Variants in PDE11A observed in about 807,000 individuals in gnomAD.
The protein encoded by PDE11A is dual 3',5'-cyclic-AMP and -GMP phosphodiesterase 11A.
In PDE11A, 100 loss-of-function variants were observed where a neutral mutation model predicts 100.5. The ratio of observed to expected loss-of-function variants is 1.00; its 90% CI spans 0.85 to 1.18. The LOEUF (loss-of-function observed/expected upper bound fraction) is 1.18. Ranked by LOEUF, PDE11A falls within the 50% of genes most tolerant of loss-of-function variation. PDE11A has a pLI of 0.00. For synonymous variants in PDE11A, 381 were observed against 420.8 expected (o/e 0.91, Z 1.16); for missense variants, 1,141 against 1,152.6 (o/e 0.99, Z 0.15).
At chr2:177,826,982 T>C (rs2083234953) in intron 6 of PDE11A, among the ~76,000 whole-genome samples, 1 of 152,206 alleles carries the variant, frequency 6.6e-6, no homozygotes, top group Admixed American at 6.5e-5. Flanking sequence ...AACAGAAGCA[T>C]AACTGATAGA....
At chr2:177,820,909 T>C (rs1453706082) in intron 6 of PDE11A, among the ~76,000 whole-genome samples, 1 of 151,918 alleles carries the variant, frequency 6.6e-6, no homozygotes, top group Non-Finnish European at 1.5e-5. Context: ...ACATCAAACA[T>C]TGAGTAACAA....
At chr2:177,735,068 C>T (rs2081755529) in intron 10 of PDE11A, among the ~76,000 whole-genome samples, 1 of 152,168 alleles carries the variant, frequency 6.6e-6, no homozygotes, top group Non-Finnish European at 1.5e-5. Flanking sequence ...TCCCTGTGCT[C>T]GCAGCCTGTC....
At chr2:177,769,034 G>T (rs570920015) in intron 10 of PDE11A, among the ~76,000 whole-genome samples, 4 of 152,100 alleles carry the variant, frequency 2.6e-5, no homozygotes, top group Non-Finnish European at 1.5e-5. Context: ...TGCCAAAACC[G>T]GGTGTCCTGA....
intron 6 of PDE11A, among the ~76,000 whole-genome samples, chr2:177,837,813 T>A (rs2083429320): frequency 1.3e-5 from 2 of 152,192 alleles, no homozygotes; most frequent in African/African-American, 4.8e-5. Context: ...TTACTTTTGG[T>A]AAAGTTCAAA....
At chr2:177,959,309 G>A (rs1325407396) in intron 2 of PDE11A, among the ~76,000 whole-genome samples, 1 of 152,168 alleles carries the variant, frequency 6.6e-6, no homozygotes, top group Non-Finnish European at 1.5e-5. Flanking sequence ...GATGATGCAG[G>A]ACCTCGGAAG....
chr2:177,718,786 C>T (rs919851399), intron 12 of PDE11A, among the ~76,000 whole-genome samples: 4 of 152,236 alleles, frequency 2.6e-5, no homozygotes, highest in South Asian at 2.1e-4. Flanking sequence ...TATTTATACA[C>T]GTGTATGTAT....
At position 177,634,944 on chromosome 2, in the gene PDE11A, C is replaced by G. The variant is rs544168306; in HGVS notation, c.2647-5382G>C. On this transcript the variant is annotated intron_variant, in intron 19 of 19. Coordinates refer to ENST00000286063, the MANE Select transcript of PDE11A (RefSeq NM_016953.4). ...CCTCAGTGAAAGAGAAGGGGGGAAA[C>G]TTAGCACCCATCTGATCACTCTCCA... Among the ~76,000 whole-genome samples the G allele has an allele frequency of 3.9e-5, 6 of 152,238 alleles. No homozygotes were observed. In the East Asian group the frequency reaches 1.2e-3, roughly 29 times the overall value.
At chr2:178,069,624 A>G (rs946978571) in intron 1 of PDE11A, among the ~76,000 whole-genome samples, 7 of 152,024 alleles carry the variant, frequency 4.6e-5, no homozygotes, top group Admixed American at 2.0e-4. Flanking sequence ...GTCAGCTTCC[A>G]AAAATATTAA....
chr2:178,037,903 G>A (rs1047832914), intron 1 of PDE11A, among the ~76,000 whole-genome samples: 10 of 151,972 alleles, frequency 6.6e-5, no homozygotes, highest in African/African-American at 2.4e-4. Context: ...GAGAGCATTA[G>A]GACAAATATC....
chr2:177,639,097 G>T (rs575841240), intron 19 of PDE11A, among the ~76,000 whole-genome samples: 1 of 152,274 alleles, frequency 6.6e-6, no homozygotes, highest in East Asian at 1.9e-4. Flanking sequence ...GCTCTGCCTG[G>T]ATTCCCCCTG....
chr2:177,665,025 GAGA>G (rs1455542675), intron 18 of PDE11A, among the ~76,000 whole-genome samples: 2 of 152,132 alleles, frequency 1.3e-5, no homozygotes, highest in Non-Finnish European at 2.9e-5. Context: ...CCAAATTGGG[GAGA>G]AGGTCACTGA....
chr2:177,792,863 G>A (rs1371082527), intron 9 of PDE11A, among the ~76,000 whole-genome samples: 1 of 152,160 alleles, frequency 6.6e-6, no homozygotes, highest in Admixed American at 6.5e-5. Context: ...GAACTGCGCA[G>A]TCACTAAACA....
chr2:177,656,211 C>T (rs1368491778), intron 19 of PDE11A, among the ~76,000 whole-genome samples: 1 of 152,220 alleles, frequency 6.6e-6, no homozygotes, highest in Non-Finnish European at 1.5e-5. Context: ...TATCTACAAC[C>T]ATGGCCCCAT....
chr2:178,004,977 A>G (rs540064749), intron 2 of PDE11A, among the ~76,000 whole-genome samples: 1 of 152,230 alleles, frequency 6.6e-6, no homozygotes, highest in East Asian at 1.9e-4. Flanking sequence ...ATAAGACAAT[A>G]CTTTCTTGAA....
At chr2:177,847,990 TTGTG>T (rs749800668) in intron 5 of PDE11A, among the ~76,000 whole-genome samples, 2 of 147,914 alleles carry the variant, frequency 1.4e-5, no homozygotes, top group African/African-American at 4.9e-5. Flanking sequence ...AATGGTGTGT[TTGTG>T]TGTGTGTGTG....
chr2:177,683,495 C>T (rs775630620), intron 15 of PDE11A: 28 of 152,406 alleles, frequency 1.8e-4, no homozygotes, highest in African/African-American at 2.4e-4. Flanking sequence ...CCCGGAGAAT[C>T]TCCAACCCGC....
chr2:177,769,616 A>G (rs1399787859), intron 9 of PDE11A, among the ~76,000 whole-genome samples: 1 of 152,138 alleles, frequency 6.6e-6, no homozygotes, highest in Admixed American at 6.5e-5. Flanking sequence ...GGCCAGGTGC[A>G]GTGCTTCGCG....
At chr2:177,819,892 C>CTA (rs2083108554) in intron 7 of PDE11A, among the ~76,000 whole-genome samples, 3 of 137,028 alleles carry the variant, frequency 2.2e-5, no homozygotes, top group Admixed American at 1.4e-4. Flanking sequence ...CTCTCTCTCT[C>CTA]TCTGTCTCTG....
At chr2:177,779,821 C>T (rs192626476) in intron 9 of PDE11A, among the ~76,000 whole-genome samples, 1 of 152,292 alleles carries the variant, frequency 6.6e-6, no homozygotes, top group Admixed American at 6.5e-5. Context: ...TTGACCTCCT[C>T]CAGGGAATCA....
Sources: allele counts gnomAD v4.1 joint callset (sites outside exome capture counted in the v4.1 genomes callset), GRCh38; gene constraint gnomAD v4.1.1; transcripts MANE v1.5; gene names NCBI Gene and HGNC (gene_info 2026-07-23, HGNC 2026-07-21).